Variants in ATRNL1 observed in about 807,000 individuals in gnomAD.
The protein encoded by ATRNL1 is attractin like 1, also known as attractin-like protein 1.
In ATRNL1, 95 loss-of-function variants were observed where a neutral mutation model predicts 182.7. The observed-to-expected ratio is 0.52, with a 90% confidence interval of 0.44 to 0.62. The LOEUF (loss-of-function observed/expected upper bound fraction) is 0.62. Among genes scored for constraint, ATRNL1 ranks in the 20% least tolerant of loss-of-function variants. The probability of loss-of-function intolerance (pLI) is 0.00; values close to 1 mark genes in which losing one functional copy is unlikely to be tolerated. For synonymous variants in ATRNL1, 576 were observed against 568.3 expected (o/e 1.01, Z -0.19); for missense variants, 1,471 against 1,679.5 (o/e 0.88, Z 2.17).
At chr10:115,289,093 G>T (rs11197149) in intron 15 of ATRNL1, among the ~76,000 whole-genome samples, 32,002 of 152,122 alleles carry the variant, frequency 0.21, 4,273 homozygotes, top group Non-Finnish European at 0.3. Flanking sequence ...AGGCAAGAAG[G>T]AGAAAGTCAC....
chr10:115,706,756 G>A (rs1946912119), intron 26 of ATRNL1, among the ~76,000 whole-genome samples: 2 of 151,834 alleles, frequency 1.3e-5, no homozygotes, highest in South Asian at 4.1e-4. Context: ...CCAATTTAAA[G>A]TCATGTATAG....
intron 26 of ATRNL1, among the ~76,000 whole-genome samples, chr10:115,706,704 G>A (rs1291691419): frequency 6.6e-6 from 1 of 151,666 alleles, no homozygotes; most frequent in Non-Finnish European, 1.5e-5. Context: ...ATATTTTTAG[G>A]CCTAATCTGA....
intron 19 of ATRNL1, among the ~76,000 whole-genome samples, chr10:115,360,197 C>T (rs1856675975): frequency 6.6e-6 from 1 of 151,582 alleles, no homozygotes; most frequent in South Asian, 2.1e-4. Flanking sequence ...ACAAAGAACT[C>T]TTCAAATAAA....
chr10:115,696,693 A>G (rs1276626601), intron 26 of ATRNL1, among the ~76,000 whole-genome samples: 1 of 152,084 alleles, frequency 6.6e-6, no homozygotes, highest in Non-Finnish European at 1.5e-5. Flanking sequence ...TGACTTTCTA[A>G]TAATAGCCTG....
At chr10:115,219,248 A>G (rs1235811407) in intron 9 of ATRNL1, among the ~76,000 whole-genome samples, 13 of 151,700 alleles carry the variant, frequency 8.6e-5, no homozygotes, top group African/African-American at 3.2e-4. Flanking sequence ...AAAAAAAAAA[A>G]AGAAAAAGGG....
chr10:115,309,707 T>C (rs537763037), intron 17 of ATRNL1, among the ~76,000 whole-genome samples: 2 of 152,194 alleles, frequency 1.3e-5, no homozygotes, highest in South Asian at 4.1e-4. Flanking sequence ...TACAATCATA[T>C]CAAAGTCTTT....
intron 18 of ATRNL1, among the ~76,000 whole-genome samples, chr10:115,323,931 C>T (rs935216256): frequency 3.6e-4 from 55 of 151,860 alleles, no homozygotes; most frequent in African/African-American, 1.2e-3. Flanking sequence ...GCGCCTGCCA[C>T]GACGCCTGGC....
chr10:115,931,029 A>G (rs1555121487), intron 28 of ATRNL1, among the ~76,000 whole-genome samples: 6 of 152,176 alleles, frequency 3.9e-5, no homozygotes. Flanking sequence ...GATAATTAGG[A>G]TCCCAATTTG....
chr10:115,625,676 C>G (rs1858049621), intron 26 of ATRNL1, among the ~76,000 whole-genome samples: 2 of 152,150 alleles, frequency 1.3e-5, no homozygotes, highest in Admixed American at 6.5e-5. Context: ...TTCACACATT[C>G]AGTCCCTGAG....
intron 25 of ATRNL1, among the ~76,000 whole-genome samples, chr10:115,548,224 G>A (rs1287035418): frequency 1.3e-5 from 2 of 152,162 alleles, no homozygotes; most frequent in Non-Finnish European, 2.9e-5. Flanking sequence ...TCCAATCATC[G>A]ATGTGACGTA....
chr10:115,617,124 G>A (rs1857469921), intron 26 of ATRNL1, among the ~76,000 whole-genome samples: 1 of 152,230 alleles, frequency 6.6e-6, no homozygotes, highest in Non-Finnish European at 1.5e-5. Flanking sequence ...CACTGGGGCA[G>A]GGTTGCCCAA....
intron 27 of ATRNL1, among the ~76,000 whole-genome samples, chr10:115,839,795 A>G (rs1337742461): frequency 6.6e-6 from 1 of 152,164 alleles, no homozygotes; most frequent in Non-Finnish European, 1.5e-5. Flanking sequence ...GCACTCTGCC[A>G]CCAATAATTA....
At chr10:115,445,507 G>A (rs1933664) in intron 21 of ATRNL1, among the ~76,000 whole-genome samples, 292 of 22,506 alleles carry the variant, frequency 0.013, 2 homozygotes, top group African/African-American at 0.086. Flanking sequence ...TCATTTGTCC[G>A]TGTGTGTGTG....
At chr10:115,184,284 A>T (rs777826445) in intron 8 of ATRNL1, among the ~76,000 whole-genome samples, 8 of 151,584 alleles carry the variant, frequency 5.3e-5, no homozygotes, top group Non-Finnish European at 1.2e-4. Context: ...ATACTTAATA[A>T]GGGAAATAAG....
chr10:115,910,303 T>C (rs537969389), intron 28 of ATRNL1, among the ~76,000 whole-genome samples: 2 of 152,328 alleles, frequency 1.3e-5, no homozygotes, highest in South Asian at 4.1e-4. Flanking sequence ...TTTTACTTCT[T>C]AAATGCTGTG....
At position 115,469,219 on chromosome 10, in the gene ATRNL1, A is replaced by G. The variant is rs782516370; in HGVS notation, c.3544A>G (p.Ile1182Val). The change falls in exon 24 of 29, where the codon ATA (isoleucine) becomes GTA (valine). Residue 1182 changes from isoleucine (I) to valine (V), a missense_variant. This residue lies in a region of ATRNL1 where 437 missense variants were observed against 506.0 expected (regional missense o/e 0.86). Transcript: ENST00000355044. ...EETSIVSKNN[I>V]KEYRDSFSYE... ...GACTTCTATAGTTTCCAAGAATAAT[A>G]TAAAGGAATACAGAGATAGTTTTTC... 2.1e-6 allele frequency: 3 copies of G among 1,430,140 alleles called. No individual in the cohort carries two copies. In the South Asian group the frequency reaches 4.2e-5, roughly 20 times the overall value. The allele number at this position is 1,430,140 out of a possible 1,614,324, so 88.6% of individuals were successfully genotyped here.
chr10:115,094,139 G>C (rs1554862537), intron 1 of ATRNL1, 96 bp downstream of exon 1: 4 of 1,193,890 alleles, frequency 3.4e-6, no homozygotes, highest in Non-Finnish European at 4.3e-6. Flanking sequence ...CCCCGTCGCT[G>C]CCTCTGATCC....
chr10:115,487,273 T>G (rs1261312321), intron 24 of ATRNL1, among the ~76,000 whole-genome samples: 1 of 152,168 alleles, frequency 6.6e-6, no homozygotes, highest in Non-Finnish European at 1.5e-5. Flanking sequence ...TCCAGTTCTG[T>G]GAAGAAAGTC....
chr10:115,321,135 T>C (rs1854563119), intron 18 of ATRNL1, among the ~76,000 whole-genome samples: 1 of 152,106 alleles, frequency 6.6e-6, no homozygotes, highest in Non-Finnish European at 1.5e-5. Context: ...TTTCTTTCAA[T>C]GATCAGGTCC....
Sources: allele counts gnomAD v4.1 joint callset (sites outside exome capture counted in the v4.1 genomes callset), GRCh38; gene constraint gnomAD v4.1.1; regional missense constraint gnomAD v4.1.1; transcripts MANE v1.5; gene names NCBI Gene and HGNC (gene_info 2026-07-23, HGNC 2026-07-21).